The following GLIS3 variants were observed in gnomAD, a reference collection of about 807,000 sequenced individuals.
GLIS3 encodes the protein GLIS family zinc finger 3, also known as zinc finger protein GLIS3.
In GLIS3, 53 loss-of-function variants were observed where a neutral mutation model predicts 78.6. The ratio of observed to expected loss-of-function variants is 0.67; its 90% CI spans 0.54 to 0.85. The LOEUF is 0.85. GLIS3 is among the 40% of genes least tolerant of loss of function. The pLI is 0.00. For synonymous variants in GLIS3, 684 were observed against 509.9 expected (o/e 1.34, Z -4.60); for missense variants, 1,703 against 1,231.1 (o/e 1.38, Z -5.74).
At chr9:4,233,336 C>A (rs1822438235) in intron 2 of GLIS3, among the ~76,000 whole-genome samples, 1 of 152,186 alleles carries the variant, frequency 6.6e-6, no homozygotes, top group Non-Finnish European at 1.5e-5. Context: ...TATACCAGGA[C>A]CAAACTGAAA....
At chr9:4,335,535 A>G (rs1465733536) in intron 2 of GLIS3, among the ~76,000 whole-genome samples, 1 of 152,120 alleles carries the variant, frequency 6.6e-6, no homozygotes, top group Non-Finnish European at 1.5e-5. Context: ...AGTGTGAAAA[A>G]CAGGCAGAAT....
chr9:4,175,883 C>A (rs987227556), intron 2 of GLIS3, among the ~76,000 whole-genome samples: 43 of 152,204 alleles, frequency 2.8e-4, no homozygotes, highest in African/African-American at 1.0e-3. Context: ...GATGAAAAAA[C>A]TGAGGCTAGA....
chr9:4,218,521 G>T (rs1587013706), intron 2 of GLIS3, among the ~76,000 whole-genome samples: 1 of 152,110 alleles, frequency 6.6e-6, no homozygotes, highest in African/African-American at 2.4e-5. Context: ...CTCGTGATCT[G>T]CCTGCCTTGG....
At chr9:4,464,166 G>C in the GLIS3 span, among the ~76,000 whole-genome samples, 25,955 of 151,906 alleles carry the variant, frequency 0.17, 2,589 homozygotes, top group Admixed American at 0.22. Flanking sequence ...GAACAGCTCA[G>C]CTTATGTAGA....
the GLIS3 span, among the ~76,000 whole-genome samples, chr9:4,430,399 C>G: frequency 6.6e-6 from 1 of 152,202 alleles, no homozygotes; most frequent in Non-Finnish European, 1.5e-5. Context: ...CATTTTGCAG[C>G]TCCCCGTCTA....
chr9:4,417,459 G>A, the GLIS3 span, among the ~76,000 whole-genome samples: 1 of 152,154 alleles, frequency 6.6e-6, no homozygotes, highest in African/African-American at 2.4e-5. Context: ...TATCTTGGCA[G>A]TCTTTTCATA....
chr9:4,071,394 A>G (rs976528500), intron 4 of GLIS3: 1 of 152,196 alleles, frequency 6.6e-6, no homozygotes, highest in African/African-American at 2.4e-5. Context: ...AGAGAAACAG[A>G]AAATGTTATC....
the GLIS3 span, among the ~76,000 whole-genome samples, chr9:4,428,473 G>C: frequency 3.6e-5 from 4 of 109,720 alleles, no homozygotes; most frequent in African/African-American, 1.4e-4. Context: ...GACAGAGTGA[G>C]ACTCTGTCTC....
intron 2 of GLIS3, among the ~76,000 whole-genome samples, chr9:4,268,034 T>C (rs1240843651): frequency 6.6e-6 from 1 of 151,874 alleles, no homozygotes; most frequent in African/African-American, 2.4e-5. Flanking sequence ...TATATGTGCA[T>C]ACACACGTGC....
intron 2 of GLIS3, among the ~76,000 whole-genome samples, chr9:4,282,591 C>T (rs1827657065): frequency 6.6e-6 from 1 of 152,100 alleles, no homozygotes; most frequent in Admixed American, 6.5e-5. Flanking sequence ...GGGACTACAT[C>T]GTGGGTTCTC....
intron 2 of GLIS3, among the ~76,000 whole-genome samples, chr9:4,146,295 T>C (rs1834219873): frequency 6.6e-6 from 1 of 152,318 alleles, no homozygotes; most frequent in Admixed American, 6.5e-5. Context: ...CCGTTGAATA[T>C]CTACTATAGT....
At chr9:4,181,408 G>A (rs1293261943) in intron 2 of GLIS3, among the ~76,000 whole-genome samples, 1 of 152,210 alleles carries the variant, frequency 6.6e-6, no homozygotes, top group East Asian at 1.9e-4. Flanking sequence ...CAGCCAGGTA[G>A]TCCAGAATGA....
At chr9:3,847,916 GA>G (rs567421446) in intron 9 of GLIS3, among the ~76,000 whole-genome samples, 450 of 152,238 alleles carry the variant, frequency 3.0e-3, no homozygotes, top group Non-Finnish European at 2.7e-3. Flanking sequence ...GGCTGATATG[GA>G]AAATTATTCC....
At chr9:3,906,557 G>C (rs1481488785) in intron 6 of GLIS3, among the ~76,000 whole-genome samples, 1 of 152,152 alleles carries the variant, frequency 6.6e-6, no homozygotes, top group Non-Finnish European at 1.5e-5. Context: ...TTAACACTGA[G>C]ATGACTCCTG....
intron 2 of GLIS3, among the ~76,000 whole-genome samples, chr9:4,182,604 G>C (rs1460072950): frequency 1.3e-5 from 2 of 152,104 alleles, no homozygotes; most frequent in African/African-American, 4.8e-5. Flanking sequence ...ATGTTCACAG[G>C]GAAAGAGATT....
At position 3,920,065 on chromosome 9, in the gene GLIS3, A is replaced by G. The variant is rs373005906; in HGVS notation, c.1983+12295T>C. Among the ~76,000 whole-genome samples, 942 of 139,436 alleles carry G rather than the reference A, an allele frequency of 6.8e-3. 8 individuals are homozygous for G. Among genetic ancestry groups the G allele is most frequent in the South Asian group, 0.028 (120 of 4,310 alleles). The allele number at this position is 139,436 out of a possible 152,430, so 91.5% of individuals were successfully genotyped here. A position where few individuals can be genotyped will look rare whatever the true frequency, so the allele number is the denominator to read the frequency against. ...GTTGCCCAGGCTGGAGTGCAGTGGC[A>G]CGGTCTCGGCTCACTGCAAGCTCCG... On this transcript the variant is annotated intron_variant, in intron 6 of 10. Coordinates refer to ENST00000381971, the MANE Select transcript of GLIS3 (RefSeq NM_001042413.2).
At chr9:3,898,026 T>C (rs894618609) in intron 7 of GLIS3, among the ~76,000 whole-genome samples, 1 of 152,234 alleles carries the variant, frequency 6.6e-6, no homozygotes, top group South Asian at 2.1e-4. Flanking sequence ...CATAAGTATA[T>C]CACCATTACA....
intron 2 of GLIS3, among the ~76,000 whole-genome samples, chr9:4,133,446 A>G (rs1833128181): frequency 6.6e-6 from 1 of 152,348 alleles, no homozygotes; most frequent in African/African-American, 2.4e-5. Context: ...TGGGTACTAA[A>G]AACAGACAGA....
intron 2 of GLIS3, among the ~76,000 whole-genome samples, chr9:4,279,656 C>T (rs953623131): frequency 2.6e-5 from 4 of 151,666 alleles, no homozygotes; most frequent in African/African-American, 9.7e-5. Context: ...GATATTTCAA[C>T]TGGTGTTAAC....
Sources: allele counts gnomAD v4.1 joint callset (sites outside exome capture counted in the v4.1 genomes callset), GRCh38; gene constraint gnomAD v4.1.1; transcripts MANE v1.5; gene names NCBI Gene and HGNC (gene_info 2026-07-23, HGNC 2026-07-21).